Variants in GOPC observed in about 807,000 individuals in gnomAD.
The protein encoded by GOPC is Golgi-associated PDZ and coiled-coil motif-containing protein.
A neutral mutation model predicts 51.2 loss-of-function variants in GOPC; 32 were observed. That is an observed-to-expected ratio of 0.63 (90% CI 0.47 to 0.84). The LOEUF is 0.84. Ranked by LOEUF, GOPC falls within the 40% of genes least tolerant of loss-of-function variation. The pLI is 0.00. For synonymous variants in GOPC, 190 were observed against 205.1 expected, an observed-to-expected ratio of 0.93 and a Z score of 0.63; for missense variants, 441 against 555.5, an observed-to-expected ratio of 0.79 and a Z score of 2.07.
At chr6:117,601,957 G>A (rs778120566) in intron 1 of GOPC, 47 bp downstream of exon 1, 1 of 1,585,304 alleles carries the variant, frequency 6.3e-7, no homozygotes. Flanking sequence ...TGACGCCACC[G>A]GGCAGCCTGG....
intron 1 of GOPC, among the ~76,000 whole-genome samples, chr6:117,585,419 A>C (rs1780016284): frequency 6.6e-6 from 1 of 152,220 alleles, no homozygotes; most frequent in Non-Finnish European, 1.5e-5. Context: ...ATCAAGTTGC[A>C]CAGCATGAAA....
At chr6:117,564,219 TCC>T (rs1779647945) in intron 8 of GOPC, among the ~76,000 whole-genome samples, 2 of 152,136 alleles carry the variant, frequency 1.3e-5, no homozygotes, top group South Asian at 4.1e-4. Flanking sequence ...CAAGCGATCC[TCC>T]TGCCTTGGCC....
At chr6:117,573,982 T>C (rs1012899803) in intron 4 of GOPC, among the ~76,000 whole-genome samples, 1 of 152,188 alleles carries the variant, frequency 6.6e-6, no homozygotes, top group South Asian at 2.1e-4. Flanking sequence ...TGTTAGCTTT[T>C]AGATGAGATA....
intron 1 of GOPC, among the ~76,000 whole-genome samples, chr6:117,596,800 T>C (rs979915240): frequency 1.3e-5 from 2 of 152,254 alleles, no homozygotes; most frequent in South Asian, 2.1e-4. Flanking sequence ...TTTGGCCTTA[T>C]AGTATAAAGT....
At chr6:117,583,948 T>C (rs1026087032) in intron 1 of GOPC, among the ~76,000 whole-genome samples, 10 of 152,364 alleles carry the variant, frequency 6.6e-5, no homozygotes, top group African/African-American at 2.4e-4. Context: ...ACAAAATCTA[T>C]ATTGCAGCAC....
At position 117,575,397 on chromosome 6, in the gene GOPC, C is replaced by T. The variant is rs775684168; in HGVS notation, c.475-45G>A. The T allele has an allele frequency of 2.9e-6, 4 of 1,362,936 alleles. No homozygotes were observed. In the African/African-American group the frequency reaches 5.8e-5, roughly 20 times the overall value. 84.4% of individuals were successfully genotyped at this position (1,362,936 alleles called of 1,614,324 possible). A position where few individuals can be genotyped will look rare whatever the true frequency, so the allele number is the denominator to read the frequency against. On this transcript the variant is annotated intron_variant, in intron 3 of 8. Coordinates refer to ENST00000368498, the MANE Select transcript of GOPC (RefSeq NM_020399.4). ...ATATAATTTAATGAAAATAAAAACT[C>T]TTTAGCACTAGACCATGTTCCTGAA...
intron 4 of GOPC, among the ~76,000 whole-genome samples, chr6:117,573,869 C>A (rs1779841782): frequency 6.6e-6 from 1 of 151,948 alleles, no homozygotes. Flanking sequence ...ATGTGAACTC[C>A]TTTAGTCATA....
chr6:117,569,875 A>G, intron 6 of GOPC, 139 bp from the exon 7 acceptor site: 1 of 950,040 alleles, frequency 1.1e-6, no homozygotes. Context: ...GTAAAATTTT[A>G]TTTGCTACTT....
chr6:117,569,086 G>T (rs210638), intron 7 of GOPC, among the ~76,000 whole-genome samples: 122,210 of 152,228 alleles, frequency 0.8, 49,740 homozygotes, highest in African/African-American at 0.95. Flanking sequence ...TCCTTTCATC[G>T]CTAAGAACTT....
intron 1 of GOPC, among the ~76,000 whole-genome samples, chr6:117,579,884 A>G (rs960343633): frequency 2.0e-5 from 3 of 152,116 alleles, no homozygotes; most frequent in Admixed American, 6.6e-5. Flanking sequence ...ATCATAGATC[A>G]TAATTTATGC....
chr6:117,592,876 G>A (rs572355153), intron 1 of GOPC, among the ~76,000 whole-genome samples: 2 of 152,138 alleles, frequency 1.3e-5, no homozygotes, highest in South Asian at 4.2e-4. Flanking sequence ...ATCAAATCCT[G>A]TCAATTCTCC....
intron 1 of GOPC, among the ~76,000 whole-genome samples, chr6:117,582,962 C>T (rs1292067332): frequency 6.6e-6 from 1 of 152,008 alleles, no homozygotes; most frequent in Non-Finnish European, 1.5e-5. Flanking sequence ...TGATAATACA[C>T]TTCTGTCCAG....
At chr6:117,596,942 T>A (rs749399380) in intron 1 of GOPC, among the ~76,000 whole-genome samples, 2 of 152,176 alleles carry the variant, frequency 1.3e-5, no homozygotes, top group Non-Finnish European at 1.5e-5. Context: ...GGTATTTTGA[T>A]GGGAATTGCA....
intron 1 of GOPC, among the ~76,000 whole-genome samples, chr6:117,586,647 A>C (rs774431712): frequency 1.1e-4 from 17 of 151,626 alleles, no homozygotes; most frequent in Non-Finnish European, 2.5e-4. Flanking sequence ...ACTCCCAGCT[A>C]ATTTTTTGTA....
At chr6:117,596,658 T>C (rs1259214511) in intron 1 of GOPC, among the ~76,000 whole-genome samples, 6 of 152,118 alleles carry the variant, frequency 3.9e-5, no homozygotes, top group African/African-American at 1.4e-4. Context: ...TGTCCTTTCC[T>C]CACTTTATGT....
At position 117,572,830 on chromosome 6, in the gene GOPC, T is replaced by C. The variant is rs3798395; in HGVS notation, c.816+637A>G. Among the ~76,000 whole-genome samples the C allele has an allele frequency of 3.3e-5, 5 of 152,324 alleles. No homozygotes were observed. The East Asian group carries it at 9.6e-4, about 29-fold the overall frequency. On this transcript the variant is annotated intron_variant, in intron 5 of 8. Coordinates refer to ENST00000368498, the MANE Select transcript of GOPC (RefSeq NM_020399.4). Reference sequence around the variant, plus strand: ...AAATCTTTGCAGAGCCAACAAACTATTTTACTATTTAAGGCCATACATTAT... The same window carrying C: ...AAATCTTTGCAGAGCCAACAAACTACTTTACTATTTAAGGCCATACATTAT...
chr6:117,573,738 T>C (rs1779839688), intron 4 of GOPC, 106 bp from the exon 5 acceptor site: 1 of 897,844 alleles, frequency 1.1e-6, no homozygotes, highest in Non-Finnish European at 1.7e-6. Context: ...CTCAAATTAG[T>C]GATAAAACTA....
At position 117,562,317 on chromosome 6, in the gene GOPC, G is replaced by A. The variant is rs574260353; in HGVS notation, c.*937C>T. The A allele has an allele frequency of 4.9e-6, 1 of 202,712 alleles. No homozygotes were observed. The highest frequency in any genetic ancestry group is 1.9e-4 in the South Asian group (1 of 5,266). 12.6% of individuals were successfully genotyped at this position (202,712 alleles called of 1,614,324 possible). On this transcript the variant is annotated 3_prime_UTR_variant, in exon 9 of 9. Transcript: ENST00000368498. Reference sequence around the variant, plus strand: ...TAGAAAGAAAACTGCCGTTTGATTTGAATGTACTGTGTTTCATGACATAGT... The same window carrying A: ...TAGAAAGAAAACTGCCGTTTGATTTAAATGTACTGTGTTTCATGACATAGT...
chr6:117,593,937 A>G (rs1780155594), intron 1 of GOPC, among the ~76,000 whole-genome samples: 1 of 151,986 alleles, frequency 6.6e-6, no homozygotes, highest in Non-Finnish European at 1.5e-5. Flanking sequence ...CTTACTCCAC[A>G]CTATCATAAT....
Sources: allele counts gnomAD v4.1 joint callset (sites outside exome capture counted in the v4.1 genomes callset), GRCh38; gene constraint gnomAD v4.1.1; transcripts MANE v1.5; gene names NCBI Gene and HGNC (gene_info 2026-07-23, HGNC 2026-07-21).